RHOH: variants seen among roughly 807,000 people sequenced by gnomAD.
RHOH encodes ras homolog family member H.
Under a neutral mutation model 13.8 loss-of-function variants are expected in RHOH, and 6 were observed. That is an observed-to-expected ratio of 0.44 (90% CI 0.24 to 0.86). The LOEUF (loss-of-function observed/expected upper bound fraction) is 0.86, where lower values mean the gene tolerates loss of function less well. Ranked by LOEUF, RHOH falls within the 40% of genes least tolerant of loss-of-function variation. RHOH has a pLI of 0.24. For missense variants in RHOH, 147 were observed against 244.5 expected (o/e 0.60, Z 2.66); for synonymous variants, 117 against 103.0 (o/e 1.14, Z -0.82).
chr4:40,204,031 A>G (rs987364085), intron 1 of RHOH, among the ~76,000 whole-genome samples: 22 of 152,234 alleles, frequency 1.4e-4, no homozygotes, highest in African/African-American at 5.1e-4. Flanking sequence ...AGAACTCAGC[A>G]CTCAAAATAG....
intron 1 of RHOH, among the ~76,000 whole-genome samples, chr4:40,230,497 AT>A (rs1727794483): frequency 2.7e-5 from 4 of 150,288 alleles, no homozygotes; most frequent in Admixed American, 6.6e-5. Context: ...GGCCCAGCTA[AT>A]TTTTTTTGTC....
At chr4:40,233,965 G>A (rs139986801) in intron 1 of RHOH, among the ~76,000 whole-genome samples, 1,540 of 120,160 alleles carry the variant, frequency 0.013, 10 homozygotes, top group Middle Eastern at 0.024. Flanking sequence ...AAAATAAAAT[G>A]AAATAAAATG....
chr4:40,231,982 C>T (rs1051552847), intron 1 of RHOH, among the ~76,000 whole-genome samples: 4 of 152,216 alleles, frequency 2.6e-5, no homozygotes, highest in African/African-American at 9.7e-5. Context: ...GTTCTAATAC[C>T]ATGGCCTCCA....
intron 1 of RHOH, among the ~76,000 whole-genome samples, chr4:40,213,353 C>CTT (rs151220868): frequency 7.8e-6 from 1 of 128,272 alleles, no homozygotes; most frequent in African/African-American, 2.7e-5. Context: ...CTCTCTCTCT[C>CTT]GTTTCTCTTT....
intron 1 of RHOH, among the ~76,000 whole-genome samples, chr4:40,198,688 C>T (rs977207171): frequency 2.6e-5 from 4 of 152,168 alleles, no homozygotes; most frequent in African/African-American, 7.2e-5. Context: ...AGACCTCCAC[C>T]TCTGGTTTCT....
chr4:40,213,140 A>G (rs1725461847), intron 1 of RHOH, among the ~76,000 whole-genome samples: 1 of 152,224 alleles, frequency 6.6e-6, no homozygotes, highest in South Asian at 2.1e-4. Context: ...GGAGAATATC[A>G]TTAAAAGAGG....
chr4:40,229,564 G>T (rs1173652126), intron 1 of RHOH, among the ~76,000 whole-genome samples: 1 of 151,474 alleles, frequency 6.6e-6, no homozygotes, highest in African/African-American at 2.4e-5. Context: ...AACCTTGGGG[G>T]TGGAGGTTGC....
At chr4:40,201,946 T>G (rs1724045089) in intron 1 of RHOH, among the ~76,000 whole-genome samples, 2 of 86,928 alleles carry the variant, frequency 2.3e-5, no homozygotes, top group Admixed American at 1.1e-4. Flanking sequence ...ACTCCATGAG[T>G]TTTTTTTTTT....
chr4:40,243,293 A>C lies in RHOH; in HGVS notation c.-94A>C. ...GAGGACACAGACCTACCTGGCTTGC[A>C]TTCCCCTTGCTGAATGGCGTGTGCT... is the stretch of plus-strand genomic sequence containing the variant. On this transcript the variant is annotated 5_prime_UTR_variant, in exon 3 of 3. Transcript: ENST00000381799. This position sits in a 1 kb window ranked among gnomAD's most constrained non-coding sequence, Gnocchi z 6.2. 1 of 1,145,540 alleles carries C rather than the reference A, an allele frequency of 8.7e-7. No individual in the cohort carries two copies. The highest frequency in any genetic ancestry group is 1.2e-6 in the Non-Finnish European group (1 of 805,662). The allele number at this position is 1,145,540 out of a possible 1,614,324, so 71.0% of individuals were successfully genotyped here. A position where few individuals can be genotyped will look rare whatever the true frequency, so the allele number is the denominator to read the frequency against.
chr4:40,237,613 G>C (rs552210824), intron 1 of RHOH, among the ~76,000 whole-genome samples: 4 of 152,324 alleles, frequency 2.6e-5, no homozygotes, highest in East Asian at 3.9e-4. Flanking sequence ...TTGCTGAGGA[G>C]CATGGTGACT....
upstream of RHOH, chr4:40,191,246 TA>T (rs1381548922): frequency 6.6e-6 from 1 of 152,212 alleles, no homozygotes; most frequent in Non-Finnish European, 1.5e-5. Context: ...GCACAATCTT[TA>T]AAAACTTTGT....
intron 1 of RHOH, among the ~76,000 whole-genome samples, chr4:40,235,598 AAAAAAAAAAAGAAAAAAG>A (rs1728463962): frequency 6.7e-6 from 1 of 148,566 alleles, no homozygotes; most frequent in Non-Finnish European, 1.5e-5. Context: ...CTCAAAAAAA[AAAAAAAAAAAGAAAAAAG>A]AAAAAAAAAA....
intron 1 of RHOH, among the ~76,000 whole-genome samples, chr4:40,219,018 G>A (rs1726211477): frequency 6.6e-6 from 1 of 152,132 alleles, no homozygotes; most frequent in Non-Finnish European, 1.5e-5. Context: ...AGAAAGAGTT[G>A]GGTGACTCAA....
chr4:40,207,683 G>T (rs180721082), intron 1 of RHOH, among the ~76,000 whole-genome samples: 1,587 of 152,278 alleles, frequency 0.01, 28 homozygotes, highest in African/African-American at 0.036. Flanking sequence ...AAACTAGATG[G>T]TGGCCGGGCA....
chr4:40,192,647 T>C (rs1317634), upstream of RHOH, among the ~76,000 whole-genome samples: 2,282 of 152,336 alleles, frequency 0.015, 71 homozygotes, highest in African/African-American at 0.052. Flanking sequence ...GCTGTTCTTT[T>C]GCCATATCAG....
chr4:40,207,515 G>A (rs1724787958), intron 1 of RHOH, among the ~76,000 whole-genome samples: 1 of 152,114 alleles, frequency 6.6e-6, no homozygotes, highest in South Asian at 2.1e-4. Flanking sequence ...TACGTAAAAC[G>A]TCGGTCCAGA....
At chr4:40,200,073 T>A (rs1347790902) in intron 1 of RHOH, among the ~76,000 whole-genome samples, 1 of 151,558 alleles carries the variant, frequency 6.6e-6, no homozygotes, top group South Asian at 2.1e-4. Flanking sequence ...CAGGATGGGG[T>A]GCACAGGTGG....
intron 1 of RHOH, among the ~76,000 whole-genome samples, chr4:40,233,488 A>G (rs1434911354): frequency 2.0e-5 from 3 of 152,202 alleles, no homozygotes; most frequent in Admixed American, 1.3e-4. Flanking sequence ...AGTGGCAGAC[A>G]TTGGAGCCAA....
intron 1 of RHOH, among the ~76,000 whole-genome samples, chr4:40,221,350 C>T (rs900345795): frequency 2.0e-5 from 3 of 152,086 alleles, no homozygotes; most frequent in East Asian, 1.9e-4. Flanking sequence ...CATTTGATTG[C>T]GCTCCACAGA....
Sources: gnomAD v4.1 joint callset for allele counts (sites outside exome capture counted in the v4.1 genomes callset) on GRCh38, gnomAD v4.1.1 for gene constraint, Gnocchi (gnomAD v3.1) non-coding constraint, MANE v1.5 for transcripts, NCBI Gene and HGNC (gene_info 2026-07-23, HGNC 2026-07-21) for gene names.